The following RERE variants were observed in gnomAD, a reference collection of about 807,000 sequenced individuals.
The protein encoded by RERE is arginine-glutamic acid dipeptide repeats protein.
A neutral mutation model predicts 146.1 loss-of-function variants in RERE; 40 were observed. That is an observed-to-expected ratio of 0.27 (90% CI 0.21 to 0.36). The LOEUF (loss-of-function observed/expected upper bound fraction) is 0.36, where lower values mean the gene tolerates loss of function less well. RERE is among the 10% of genes least tolerant of loss of function. The probability of loss-of-function intolerance (pLI) is 1.00; values close to 1 mark genes in which losing one functional copy is unlikely to be tolerated. For missense variants in RERE, 1,933 were observed against 2,138.7 expected, an observed-to-expected ratio of 0.90 and a Z score of 1.90; for synonymous variants, 1,003 against 866.0, an observed-to-expected ratio of 1.16 and a Z score of -2.78.
rs369514490 is a variant in RERE, at chr1:8,785,741, C to T, written c.-145+31419G>A. 1.4e-4 allele frequency among the ~76,000 whole-genome samples: 22 copies of T among 152,274 alleles called. No homozygotes were observed. The East Asian group carries it at 2.1e-3, about 15-fold the overall frequency. ...GGTTCAAGCAATTCTCCTGCCTCAG[C>T]CTCCTGAGTAGCTGAGATTACAGGT... On this transcript the variant is annotated intron_variant, in intron 1 of 22. Coordinates refer to ENST00000400908, the MANE Select transcript of RERE (RefSeq NM_001042681.2).
At chr1:8,727,764 T>C (rs191180053) in intron 1 of RERE, among the ~76,000 whole-genome samples, 1 of 152,286 alleles carries the variant, frequency 6.6e-6, no homozygotes, top group East Asian at 1.9e-4. Flanking sequence ...AGTGCTGGGA[T>C]TACAGGTGTG....
chr1:8,400,222 A>ATGTGTGTGTGTGTGTGTGTGTG (rs1553161719), intron 12 of RERE, among the ~76,000 whole-genome samples: 6 of 140,056 alleles, frequency 4.3e-5, no homozygotes, highest in Non-Finnish European at 7.7e-5. Context: ...CCTGTGTCAT[A>ATGTGTGTGTGTGTGTGTGTGTG]TGTGTGTGTG....
At chr1:8,792,829 T>C (rs1454546742) in intron 1 of RERE, among the ~76,000 whole-genome samples, 1 of 152,150 alleles carries the variant, frequency 6.6e-6, no homozygotes, top group African/African-American at 2.4e-5. Flanking sequence ...TAGGAAGGTT[T>C]AAAGAAGCTG....
At chr1:8,439,167 T>C (rs1004186212) in intron 11 of RERE, among the ~76,000 whole-genome samples, 2 of 152,212 alleles carry the variant, frequency 1.3e-5, no homozygotes, top group East Asian at 1.9e-4. Context: ...GACTTCTCTC[T>C]GTCAAAAATG....
chr1:8,426,420 C>G (rs2124477374), intron 11 of RERE, among the ~76,000 whole-genome samples: 1 of 148,646 alleles, frequency 6.7e-6, no homozygotes, highest in Non-Finnish European at 1.5e-5. Context: ...CGCCACTGCA[C>G]TCCAGCCTGG....
At chr1:8,470,813 CTTTTTTTTTT>C (rs71580028) in intron 10 of RERE, among the ~76,000 whole-genome samples, 5 of 74,566 alleles carry the variant, frequency 6.7e-5, no homozygotes, top group African/African-American at 2.2e-4. Context: ...AAAGAAATAC[CTTTTTTTTTT>C]TTTTTTTTTT....
At chr1:8,560,452 C>G (rs575257767) in intron 4 of RERE, among the ~76,000 whole-genome samples, 1 of 152,130 alleles carries the variant, frequency 6.6e-6, no homozygotes, top group East Asian at 1.9e-4. Flanking sequence ...AAAAATAAAA[C>G]CTGGTTCGAG....
At chr1:8,355,277 G>T (rs1641245133) in intron 22 of RERE, 142 bp downstream of exon 22, 1 of 1,151,384 alleles carries the variant, frequency 8.7e-7, no homozygotes, top group Non-Finnish European at 1.3e-6. Context: ...CCCTTCCTCT[G>T]TTTCTCCCAT....
At chr1:8,400,488 G>C (rs1261794639) in intron 12 of RERE, among the ~76,000 whole-genome samples, 1 of 152,104 alleles carries the variant, frequency 6.6e-6, no homozygotes, top group Non-Finnish European at 1.5e-5. Context: ...TTGGCCTCAA[G>C]TGATCCTCCC....
chr1:8,814,596 T>C (rs1641875455), intron 1 of RERE, among the ~76,000 whole-genome samples: 1 of 152,174 alleles, frequency 6.6e-6, no homozygotes, highest in East Asian at 1.9e-4. Flanking sequence ...TTTCCCTCCT[T>C]CAACTCCTCC....
At chr1:8,684,978 C>A (rs1263822111) in intron 1 of RERE, among the ~76,000 whole-genome samples, 1 of 152,052 alleles carries the variant, frequency 6.6e-6, no homozygotes, top group Non-Finnish European at 1.5e-5. Flanking sequence ...CTGCTTCAGT[C>A]TTCCAAGTAA....
chr1:8,737,442 G>A (rs1362172840), intron 1 of RERE, among the ~76,000 whole-genome samples: 1 of 152,150 alleles, frequency 6.6e-6, no homozygotes, highest in Non-Finnish European at 1.5e-5. Context: ...CCAAAAATGT[G>A]AGTTATTGAG....
rs151077367 is a variant in RERE, at chr1:8,646,605, A to G, written c.325+9368T>C. On this transcript the variant is annotated intron_variant, in intron 2 of 22. Transcript: ENST00000400908. Reference sequence around the variant, plus strand: ...GCCAATGTAACTAAAATAAGGACACATGAAAATATAATTACACTGTAGGTG... The same window carrying G: ...GCCAATGTAACTAAAATAAGGACACGTGAAAATATAATTACACTGTAGGTG... 3.8e-3 allele frequency among the ~76,000 whole-genome samples: 574 copies of G among 152,342 alleles called. 2 individuals carry two copies. Among genetic ancestry groups the G allele is most frequent in the African/African-American group, 0.013 (546 of 41,576 alleles).
intron 7 of RERE, among the ~76,000 whole-genome samples, chr1:8,515,499 C>T (rs903750197): frequency 5.3e-5 from 8 of 152,074 alleles, no homozygotes; most frequent in Non-Finnish European, 8.8e-5. Context: ...GGCGTGGTGG[C>T]AGGCGCCTGT....
intron 10 of RERE, among the ~76,000 whole-genome samples, chr1:8,483,892 G>A (rs948590648): frequency 5.3e-5 from 8 of 152,166 alleles, no homozygotes; most frequent in Admixed American, 1.3e-4. Context: ...CTGTCCAGGC[G>A]GAGGTGAAAT....
At chr1:8,418,280 G>C (rs1304367737) in intron 12 of RERE, among the ~76,000 whole-genome samples, 1 of 152,128 alleles carries the variant, frequency 6.6e-6, no homozygotes, top group African/African-American at 2.4e-5. Flanking sequence ...CCACCAACTG[G>C]GATTACAAAT....
intron 7 of RERE, among the ~76,000 whole-genome samples, chr1:8,536,752 G>C (rs1055131552): frequency 6.6e-6 from 1 of 152,164 alleles, no homozygotes; most frequent in African/African-American, 2.4e-5. Flanking sequence ...CCTGAGTGCA[G>C]AAATGTCAAA....
chr1:8,649,357 G>T (rs903086389), intron 2 of RERE, among the ~76,000 whole-genome samples: 1 of 152,050 alleles, frequency 6.6e-6, no homozygotes, highest in Admixed American at 6.5e-5. Context: ...ACTTCCAGAA[G>T]TCTTATTCTA....
chr1:8,501,874 C>T (rs1168575919), intron 8 of RERE, among the ~76,000 whole-genome samples: 11 of 121,788 alleles, frequency 9.0e-5, no homozygotes, highest in Admixed American at 1.6e-4. Flanking sequence ...CCGCCCCGTC[C>T]GGGAGGCAGG....
Sources: allele counts gnomAD v4.1 joint callset (sites outside exome capture counted in the v4.1 genomes callset), GRCh38; gene constraint gnomAD v4.1.1; transcripts MANE v1.5; gene names NCBI Gene and HGNC (gene_info 2026-07-23, HGNC 2026-07-21).